Variants in HPSE2 observed in about 807,000 individuals in gnomAD.
The protein encoded by HPSE2 is inactive heparanase-2.
HPSE2 carries 38 observed loss-of-function variants against 60.5 expected under a neutral mutation model. The ratio of observed to expected loss-of-function variants is 0.63; its 90% CI spans 0.48 to 0.82. The LOEUF is 0.82. Among genes scored for constraint, HPSE2 ranks in the 40% least tolerant of loss-of-function variants. HPSE2 has a pLI of 0.00. For missense variants in HPSE2, 713 were observed against 740.4 expected, an observed-to-expected ratio of 0.96 and a Z score of 0.43; for synonymous variants, 295 against 293.2, an observed-to-expected ratio of 1.01 and a Z score of -0.06.
At chr10:98,847,306 C>A (rs1952057712) in intron 3 of HPSE2, among the ~76,000 whole-genome samples, 1 of 152,158 alleles carries the variant, frequency 6.6e-6, no homozygotes, top group Admixed American at 6.5e-5. Context: ...TATTGAACAC[C>A]TGTTATGCAT....
At chr10:98,825,348 T>C (rs1419557547) in intron 3 of HPSE2, among the ~76,000 whole-genome samples, 2 of 152,074 alleles carry the variant, frequency 1.3e-5, no homozygotes, top group African/African-American at 2.4e-5. Context: ...TGTGGATAAT[T>C]ATTTGAGAAA....
chr10:98,631,509 G>A (rs1589537985), intron 7 of HPSE2, among the ~76,000 whole-genome samples: 1 of 152,148 alleles, frequency 6.6e-6, no homozygotes, highest in East Asian at 1.9e-4. Context: ...ACAAGTCATA[G>A]GTTCCAGCAG....
chr10:98,913,209 G>T (rs1251297483), intron 3 of HPSE2, among the ~76,000 whole-genome samples: 1 of 152,072 alleles, frequency 6.6e-6, no homozygotes, highest in Non-Finnish European at 1.5e-5. Context: ...TATCTAATTA[G>T]CAACAACATC....
chr10:98,892,918 G>A (rs904200067), intron 3 of HPSE2, among the ~76,000 whole-genome samples: 1 of 152,148 alleles, frequency 6.6e-6, no homozygotes, highest in Non-Finnish European at 1.5e-5. Flanking sequence ...CAGGGAACAG[G>A]AGGGCAGCTA....
At chr10:99,277,981 CA>C in the HPSE2 span, among the ~76,000 whole-genome samples, 4 of 151,536 alleles carry the variant, frequency 2.6e-5, no homozygotes, top group African/African-American at 9.7e-5. Context: ...CCTGTAATCC[CA>C]GCTACTCAGG....
chr10:98,599,508 G>C (rs1945339133), intron 9 of HPSE2, among the ~76,000 whole-genome samples: 1 of 152,140 alleles, frequency 6.6e-6, no homozygotes, highest in Non-Finnish European at 1.5e-5. Context: ...CGGGTTTGGA[G>C]ACTCAGTCTG....
intron 3 of HPSE2, among the ~76,000 whole-genome samples, chr10:98,985,752 A>G (rs1187426397): frequency 2.0e-5 from 3 of 152,212 alleles, no homozygotes; most frequent in Non-Finnish European, 4.4e-5. Context: ...AACCCATCTC[A>G]TATGCAGAGA....
intron 11 of HPSE2, among the ~76,000 whole-genome samples, chr10:98,480,655 C>T (rs1941201575): frequency 6.6e-6 from 1 of 152,182 alleles, no homozygotes; most frequent in South Asian, 2.1e-4. Flanking sequence ...AAAAATGCTA[C>T]CCTTGACTAT....
intron 2 of HPSE2, among the ~76,000 whole-genome samples, chr10:99,191,696 T>C (rs1589801916): frequency 1.3e-5 from 2 of 152,282 alleles, no homozygotes; most frequent in East Asian, 3.9e-4. Flanking sequence ...ACAATAAATA[T>C]CTAACTCATC....
intron 2 of HPSE2, among the ~76,000 whole-genome samples, chr10:99,222,179 T>C (rs916156468): frequency 6.6e-6 from 1 of 152,118 alleles, no homozygotes; most frequent in Non-Finnish European, 1.5e-5. Context: ...TGAGAAACAC[T>C]GTGCTGCTAT....
intron 6 of HPSE2, among the ~76,000 whole-genome samples, chr10:98,667,543 A>T (rs897466011): frequency 6.6e-6 from 1 of 152,196 alleles, no homozygotes; most frequent in South Asian, 2.1e-4. Context: ...ATATTAGCAA[A>T]CCAAATTTAG....
chr10:98,492,589 A>G (rs1186887156), intron 9 of HPSE2, among the ~76,000 whole-genome samples: 1 of 152,170 alleles, frequency 6.6e-6, no homozygotes, highest in Non-Finnish European at 1.5e-5. Flanking sequence ...GAGATAAAAA[A>G]TAAACTTATA....
At chr10:99,184,864 A>C (rs1847943860) in intron 2 of HPSE2, among the ~76,000 whole-genome samples, 2 of 126,620 alleles carry the variant, frequency 1.6e-5, no homozygotes, top group Non-Finnish European at 3.4e-5. Flanking sequence ...AGAGAGAGAG[A>C]CAGAAACACT....
intron 7 of HPSE2, 130 bp from the exon 8 acceptor site, chr10:98,620,838 C>T (rs1946054454): frequency 1.4e-6 from 1 of 737,986 alleles, no homozygotes; most frequent in African/African-American, 1.7e-5. Flanking sequence ...TTTGTGCTTT[C>T]TTATGATGAT....
chr10:98,903,704 AATTT>A (rs748996969), intron 3 of HPSE2, among the ~76,000 whole-genome samples: 8 of 152,132 alleles, frequency 5.3e-5, no homozygotes, highest in Non-Finnish European at 7.4e-5. Context: ...CACTTTATCA[AATTT>A]ATACTGAGTG....
chr10:98,968,860 G>T (rs997419842), intron 3 of HPSE2, among the ~76,000 whole-genome samples: 2 of 151,962 alleles, frequency 1.3e-5, no homozygotes, highest in African/African-American at 4.8e-5. Flanking sequence ...GTGGGAGGGG[G>T]GTCAGGGATA....
intron 3 of HPSE2, among the ~76,000 whole-genome samples, chr10:99,095,540 A>G (rs2135616735): frequency 6.6e-6 from 1 of 152,320 alleles, no homozygotes; most frequent in Non-Finnish European, 1.5e-5. Flanking sequence ...CGCTATTAGC[A>G]GGCACTCCCC....
At chr10:98,508,950 G>A (rs774952801) in intron 9 of HPSE2, among the ~76,000 whole-genome samples, 40 of 152,112 alleles carry the variant, frequency 2.6e-4, no homozygotes, top group Admixed American at 7.2e-4. Flanking sequence ...GAGAGAAAAC[G>A]GCATTATTCA....
chr10:98,543,741 C>A (rs1203865708), intron 9 of HPSE2, among the ~76,000 whole-genome samples: 1 of 152,062 alleles, frequency 6.6e-6, no homozygotes, highest in Admixed American at 6.6e-5. Flanking sequence ...AAGGCCATTA[C>A]ATAATGGTAA....
Sources: gnomAD v4.1 joint callset for allele counts (sites outside exome capture counted in the v4.1 genomes callset) on GRCh38, gnomAD v4.1.1 for gene constraint, MANE v1.5 for transcripts, NCBI Gene and HGNC (gene_info 2026-07-23, HGNC 2026-07-21) for gene names.